C1orf146: variants seen among roughly 807,000 people sequenced by gnomAD.
C1orf146 encodes protein SPO16 homolog.
A neutral mutation model predicts 23.0 loss-of-function variants in C1orf146; 22 were observed. The observed-to-expected ratio is 0.96, with a 90% CI of 0.68 to 1.36. C1orf146 has a LOEUF of 1.36. Among genes scored for constraint, C1orf146 ranks in the 40% most tolerant of loss-of-function variants. C1orf146 has a pLI of 0.00. For synonymous variants in C1orf146, 59 were observed against 65.3 expected (o/e 0.90, Z 0.47); for missense variants, 199 against 206.8 (o/e 0.96, Z 0.23).
In C1orf146 at chr1:92,230,025, T is replaced by G. The variant is rs1280099473; in HGVS notation, c.-39-1357T>G. ...TTTAGCACGCTGAACTTAAATGCAA[T>G]TTTGTTTTACTGTATACCTGGTTGC... On this transcript the variant is annotated intron_variant, in intron 1 of 5. Coordinates refer to ENST00000370375, the MANE Select transcript of C1orf146 (RefSeq NM_001012425.2). Among the ~76,000 whole-genome samples, 4 of 151,930 alleles carry G rather than the reference T, an allele frequency of 2.6e-5. No homozygotes were observed. In the East Asian group the frequency reaches 7.8e-4, roughly 30 times the overall value.
intron 2 of C1orf146, among the ~76,000 whole-genome samples, chr1:92,237,316 C>T (rs1652307319): frequency 6.6e-6 from 1 of 152,006 alleles, no homozygotes; most frequent in Non-Finnish European, 1.5e-5. Flanking sequence ...GTTAGTTTTC[C>T]TTCTAACAGA....
chr1:92,225,031 G>A (rs762139414), intron 1 of C1orf146, among the ~76,000 whole-genome samples: 39 of 151,808 alleles, frequency 2.6e-4, no homozygotes, highest in Non-Finnish European at 5.0e-4. Flanking sequence ...ATGAGCCACC[G>A]TGCCCGGCTT....
chr1:92,220,833 T>G (rs2100724103), intron 1 of C1orf146, among the ~76,000 whole-genome samples: 1 of 152,356 alleles, frequency 6.6e-6, no homozygotes, highest in Middle Eastern at 3.4e-3. Flanking sequence ...AAAATGCTGT[T>G]ATGAGCATTC....
chr1:92,235,981 T>C (rs1247428638), intron 2 of C1orf146, among the ~76,000 whole-genome samples: 1 of 152,150 alleles, frequency 6.6e-6, no homozygotes, highest in Non-Finnish European at 1.5e-5. Context: ...TCCTCCATCC[T>C]TTTATTTTGA....
intron 3 of C1orf146, among the ~76,000 whole-genome samples, chr1:92,242,652 A>G (rs1321794419): frequency 6.6e-6 from 1 of 152,128 alleles, no homozygotes; most frequent in African/African-American, 2.4e-5. Context: ...CTGATATACA[A>G]AAAAAATAGA....
chr1:92,229,359 A>C, intron 1 of C1orf146: 1 of 545,148 alleles, frequency 1.8e-6, no homozygotes, highest in East Asian at 4.9e-5. Flanking sequence ...AGACTGGAAC[A>C]GCACCTCCGG....
At chr1:92,243,120 CAAAA>C (rs920860126) in intron 3 of C1orf146, among the ~76,000 whole-genome samples, 4 of 152,088 alleles carry the variant, frequency 2.6e-5, no homozygotes, top group Non-Finnish European at 5.9e-5. Context: ...ACAAATCTAA[CAAAA>C]AATTTACTCC....
chr1:92,242,795 G>C (rs931977421), intron 3 of C1orf146, among the ~76,000 whole-genome samples: 1 of 152,176 alleles, frequency 6.6e-6, no homozygotes, highest in East Asian at 1.9e-4. Context: ...AGTCCAGTAA[G>C]GAATTAGATT....
intron 4 of C1orf146, 47 bp from the exon 5 acceptor site, chr1:92,244,732 A>G: frequency 8.4e-7 from 1 of 1,194,838 alleles, no homozygotes; most frequent in Non-Finnish European, 1.2e-6. Context: ...TTAAGAGAAC[A>G]GATGTCAGCA....
chr1:92,235,607 C>G (rs1448143059), intron 2 of C1orf146, among the ~76,000 whole-genome samples: 2 of 152,126 alleles, frequency 1.3e-5, no homozygotes, highest in African/African-American at 2.4e-5. Context: ...GTGGAGAGTT[C>G]TGTAGATGTC....
At chr1:92,229,177 G>A in intron 1 of C1orf146, 2 of 534,298 alleles carry the variant, frequency 3.7e-6, no homozygotes, top group South Asian at 3.1e-5. Flanking sequence ...ATGGTGCTAG[G>A]TGCCAGGGCA....
intron 5 of C1orf146, among the ~76,000 whole-genome samples, chr1:92,245,228 T>C (rs1163406423): frequency 6.6e-6 from 1 of 152,214 alleles, no homozygotes; most frequent in Non-Finnish European, 1.5e-5. Flanking sequence ...TTCTTGCTTT[T>C]TGTCCTCTGC....
chr1:92,233,335 C>T (rs1489359123), intron 2 of C1orf146, among the ~76,000 whole-genome samples: 5 of 151,054 alleles, frequency 3.3e-5, no homozygotes, highest in Admixed American at 2.6e-4. Context: ...TATGGCTAGC[C>T]AGTTTTCCCA....
chr1:92,238,356 TTTTC>T (rs1265436482), intron 2 of C1orf146, among the ~76,000 whole-genome samples: 2 of 152,192 alleles, frequency 1.3e-5, no homozygotes, highest in African/African-American at 4.8e-5. Context: ...TTTGGTTTGG[TTTTC>T]TTTTTACTGC....
In C1orf146 at chr1:92,244,431, T is replaced by C; in HGVS notation, c.329+46T>C. On this transcript the variant is annotated intron_variant, in intron 4 of 5. Transcript: ENST00000370375. ...AGACTTATTTTTCTTATATTGTATT[T>C]ATTTCAGTTCTTAATTCTTTTAGGT... 3 of 1,404,288 alleles carry C rather than the reference T, an allele frequency of 2.1e-6. 1 individual carries two copies. The highest frequency in any genetic ancestry group is 2.9e-6 in the Non-Finnish European group (3 of 1,029,424). The allele number at this position is 1,404,288 out of a possible 1,614,324, so 87.0% of individuals were successfully genotyped here.
At chr1:92,229,952 A>G (rs962411619) in intron 1 of C1orf146, among the ~76,000 whole-genome samples, 1 of 152,222 alleles carries the variant, frequency 6.6e-6, no homozygotes, top group Non-Finnish European at 1.5e-5. Context: ...ATTTCATGCT[A>G]CTAAGTTTAT....
chr1:92,234,624 A>C (rs1188225817), intron 2 of C1orf146, among the ~76,000 whole-genome samples: 7 of 152,248 alleles, frequency 4.6e-5, no homozygotes, highest in Non-Finnish European at 8.8e-5. Context: ...TGCTGGCCTC[A>C]TAAAATGAGT....
rs574521761 is a variant in C1orf146, at chr1:92,228,643, T to C, written c.-39-2739T>C. Reference sequence around the variant, plus strand: ...CCCAGAACACTCAGCCCTGACACATTAATACCCTGCACAGATCGGAGACTG... The same window carrying C: ...CCCAGAACACTCAGCCCTGACACATCAATACCCTGCACAGATCGGAGACTG... On this transcript the variant is annotated intron_variant, in intron 1 of 5. Transcript: ENST00000370375. Among the ~76,000 whole-genome samples, 71 of 152,280 alleles carry C rather than the reference T, an allele frequency of 4.7e-4. No homozygotes were observed. In the South Asian group the frequency reaches 0.012, roughly 27 times the overall value.
intron 1 of C1orf146, chr1:92,229,411 C>A (rs770560344): frequency 3.8e-6 from 2 of 532,464 alleles, no homozygotes; most frequent in Admixed American, 2.0e-5. Context: ...ACCTGGCCGT[C>A]GGGCAGCTTG....
Sources: gnomAD v4.1 joint callset for allele counts (sites outside exome capture counted in the v4.1 genomes callset) on GRCh38, gnomAD v4.1.1 for gene constraint, MANE v1.5 for transcripts, NCBI Gene and HGNC (gene_info 2026-07-23, HGNC 2026-07-21) for gene names.